The following ITSN1 variants were observed in gnomAD, a reference collection of about 807,000 sequenced individuals.
The protein encoded by ITSN1 is intersectin 1.
A neutral mutation model predicts 239.8 loss-of-function variants in ITSN1; 58 were observed. The ratio of observed to expected loss-of-function variants is 0.24; its 90% CI spans 0.20 to 0.30. The LOEUF is 0.30. Ranked by LOEUF, ITSN1 falls within the 10% of genes least tolerant of loss-of-function variation. ITSN1 has a pLI of 1.00. For missense variants in ITSN1, 1,558 were observed against 2,103.3 expected, an observed-to-expected ratio of 0.74 and a Z score of 5.07; for synonymous variants, 780 against 770.8, an observed-to-expected ratio of 1.01 and a Z score of -0.20.
chr21:33,806,083 C>A (rs529813347), intron 20 of ITSN1, among the ~76,000 whole-genome samples: 2 of 145,928 alleles, frequency 1.4e-5, no homozygotes, highest in Non-Finnish European at 3.0e-5. Flanking sequence ...TAGTGGCGGG[C>A]GCCTGTAGTC....
intron 5 of ITSN1, 196 bp downstream of exon 5, chr21:33,735,400 G>T: frequency 1.5e-6 from 1 of 656,926 alleles, no homozygotes; most frequent in Non-Finnish European, 2.8e-6. Flanking sequence ...GGGATGTAAA[G>T]TAATCAAAAT....
rs986786782 is a variant in ITSN1 at position 33,809,652 on chromosome 21, C to T, written c.2320-1323C>T. Among the ~76,000 whole-genome samples the T allele has an allele frequency of 3.3e-5, 5 of 152,048 alleles. No homozygotes were observed. In the South Asian group the frequency reaches 1.0e-3, roughly 32 times the overall value. On this transcript the variant is annotated intron_variant, in intron 20 of 39. Coordinates refer to ENST00000381318, the MANE Select transcript of ITSN1 (RefSeq NM_003024.3). Reference sequence around the variant, plus strand: ...TCCAAAATCATTGTTAAGACCCTGCCTACTCATGTCTGATTTCTAAGAAGC... The same window carrying T: ...TCCAAAATCATTGTTAAGACCCTGCTTACTCATGTCTGATTTCTAAGAAGC...
intron 8 of ITSN1, among the ~76,000 whole-genome samples, chr21:33,757,636 G>T (rs2068018129): frequency 6.6e-6 from 1 of 152,044 alleles, no homozygotes; most frequent in Non-Finnish European, 1.5e-5. Flanking sequence ...ATTTGTTGAG[G>T]TGGATGGAAC....
intron 29 of ITSN1, chr21:33,837,004 T>TC (rs747656792): frequency 3.4e-5 from 55 of 1,611,320 alleles, no homozygotes; most frequent in East Asian, 8.9e-5. Flanking sequence ...ATGTTGTCCA[T>TC]CCCCCCCTCA....
chr21:33,772,347 C>G (rs891373560), intron 12 of ITSN1, 24 bp downstream of exon 12: 1 of 1,549,418 alleles, frequency 6.5e-7, no homozygotes, highest in South Asian at 1.2e-5. Context: ...AGTGGAGCCA[C>G]CCGGAGTTAG....
At chr21:33,779,004 C>A (rs2069910418) in intron 14 of ITSN1, among the ~76,000 whole-genome samples, 1 of 151,860 alleles carries the variant, frequency 6.6e-6, no homozygotes, top group South Asian at 2.1e-4. Context: ...TCCTTCCTAA[C>A]CCCTTCTTCT....
At chr21:33,795,249 G>A (rs2071449601) in intron 17 of ITSN1, among the ~76,000 whole-genome samples, 1 of 152,116 alleles carries the variant, frequency 6.6e-6, no homozygotes, top group Non-Finnish European at 1.5e-5. Flanking sequence ...AAGATATTAG[G>A]ACCATCCTGG....
At chr21:33,837,711 T>C in intron 29 of ITSN1, 1 of 985,934 alleles carries the variant, frequency 1.0e-6, no homozygotes, top group South Asian at 4.7e-5. Flanking sequence ...CCTTGTACGA[T>C]GCTCTAATCA....
intron 8 of ITSN1, among the ~76,000 whole-genome samples, chr21:33,760,376 A>G (rs951348003): frequency 1.3e-5 from 2 of 152,138 alleles, no homozygotes; most frequent in Non-Finnish European, 2.9e-5. Context: ...GTGTTTGAGT[A>G]TTTTCACTTT....
chr21:33,662,062 G>C (rs2089601462), intron 1 of ITSN1, among the ~76,000 whole-genome samples: 1 of 152,136 alleles, frequency 6.6e-6, no homozygotes. Context: ...TCACAGTTTA[G>C]AGTGCATTAT....
intron 29 of ITSN1, among the ~76,000 whole-genome samples, chr21:33,846,830 C>T (rs1345777617): frequency 6.6e-6 from 1 of 152,174 alleles, no homozygotes; most frequent in Non-Finnish European, 1.5e-5. Context: ...AAATTGTAAA[C>T]GAGGCACCAT....
intron 6 of ITSN1, among the ~76,000 whole-genome samples, chr21:33,751,381 T>C (rs1374621757): frequency 6.6e-6 from 1 of 152,216 alleles, no homozygotes; most frequent in Non-Finnish European, 1.5e-5. Flanking sequence ...AAGCTGACCT[T>C]CCCTAGTGTC....
Position 33,730,388 on chromosome 21 carries a change from C to CTTT in ITSN1, c.186-4630_186-4628dup, listed in dbSNP as rs71194863. 2.1e-3 allele frequency among the ~76,000 whole-genome samples: 104 copies of CTTT among 49,368 alleles called. 18 individuals are homozygous for CTTT. The highest frequency in any genetic ancestry group is 5.3e-3 in the African/African-American group (66 of 12,546). 32.4% of individuals were successfully genotyped at this position (49,368 alleles called of 152,430 possible). ...TAACCTGCTATAAATGCTCTCTGTT[C>CTTT]TTTTTTTTTTTTTTTTTTTTTTTTT... On this transcript the variant is annotated intron_variant, in intron 4 of 39. Transcript: ENST00000381318.
chr21:33,695,015 C>T (rs140356385), intron 1 of ITSN1, among the ~76,000 whole-genome samples: 1 of 152,066 alleles, frequency 6.6e-6, no homozygotes, highest in South Asian at 2.1e-4. Context: ...GAGGTCTTAC[C>T]ATCTTTCCCA....
intron 27 of ITSN1, among the ~76,000 whole-genome samples, chr21:33,831,289 T>G (rs936417740): frequency 3.9e-5 from 6 of 152,134 alleles, no homozygotes; most frequent in African/African-American, 1.4e-4. Flanking sequence ...CAGCCGTCCG[T>G]CTCTCTGGCG....
chr21:33,744,953 C>G (rs1490612187), intron 5 of ITSN1, among the ~76,000 whole-genome samples: 1 of 152,160 alleles, frequency 6.6e-6, no homozygotes. Context: ...TGTATATGAG[C>G]TGTACAACTG....
chr21:33,659,510 T>G (rs1232969795), intron 1 of ITSN1, among the ~76,000 whole-genome samples: 2 of 152,000 alleles, frequency 1.3e-5, no homozygotes, highest in Non-Finnish European at 2.9e-5. Flanking sequence ...TCCGGTAGTG[T>G]CAGAATTGAA....
At chr21:33,805,832 C>T (rs1275522203) in intron 20 of ITSN1, among the ~76,000 whole-genome samples, 4 of 150,888 alleles carry the variant, frequency 2.7e-5, no homozygotes, top group South Asian at 2.1e-4. Context: ...CCACCACGCC[C>T]GGCTAATTTT....
At chr21:33,816,844 C>T (rs1486676738) in intron 22 of ITSN1, among the ~76,000 whole-genome samples, 1 of 152,096 alleles carries the variant, frequency 6.6e-6, no homozygotes, top group Non-Finnish European at 1.5e-5. Context: ...CAGGGAAACC[C>T]CCTCAGCTCT....
Sources: allele counts gnomAD v4.1 joint callset (sites outside exome capture counted in the v4.1 genomes callset), GRCh38; gene constraint gnomAD v4.1.1; transcripts MANE v1.5; gene names NCBI Gene and HGNC (gene_info 2026-07-23, HGNC 2026-07-21).